The following CYYR1 variants were observed in gnomAD, a reference collection of about 807,000 sequenced individuals.
The protein encoded by CYYR1 is cysteine and tyrosine rich 1.
In CYYR1, 14 loss-of-function variants were observed where a neutral mutation model predicts 15.2. That is an observed-to-expected ratio of 0.92 (90% CI 0.61 to 1.44). The LOEUF is 1.44. Among genes scored for constraint, CYYR1 ranks in the 40% most tolerant of loss-of-function variants. CYYR1 has a pLI of 0.00. For missense variants in CYYR1, 228 were observed against 209.5 expected (o/e 1.09, Z -0.54); for synonymous variants, 80 against 77.4 (o/e 1.03, Z -0.18).
At chr21:26,491,511 G>A (rs1449865789) in intron 2 of CYYR1, among the ~76,000 whole-genome samples, 3 of 152,204 alleles carry the variant, frequency 2.0e-5, no homozygotes, top group Middle Eastern at 3.4e-3. Context: ...CCATTGACTC[G>A]AAGATGGAGA....
chr21:26,561,518 T>C (rs555499814), intron 2 of CYYR1, among the ~76,000 whole-genome samples: 1 of 152,216 alleles, frequency 6.6e-6, no homozygotes, highest in Non-Finnish European at 1.5e-5. Context: ...GGTTGTGATA[T>C]TTATTAGCTG....
chr21:26,477,998 T>C (rs934109606), intron 3 of CYYR1: 2 of 1,530,698 alleles, frequency 1.3e-6, no homozygotes, highest in Admixed American at 2.0e-5. Flanking sequence ...TGATATATGA[T>C]TAATTCAGGT....
Position 26,566,382 on chromosome 21 carries a change from A to C in CYYR1, c.74-14T>G, listed in dbSNP as rs1235882126. ...CAAGGCAATCATCTACAAAACAAAAACCACTTGTGAGCAGTTATAGTTGTA... is the reference window on the plus strand; with the variant it reads ...CAAGGCAATCATCTACAAAACAAAACCCACTTGTGAGCAGTTATAGTTGTA... On this transcript the variant is annotated splice_polypyrimidine_tract_variant and intron_variant, in intron 1 of 3. Coordinates refer to ENST00000652641, the MANE Select transcript of CYYR1 (RefSeq NM_001320768.2). 1 of 1,589,874 alleles carries C rather than the reference A, an allele frequency of 6.3e-7. No individual in the cohort carries two copies. The highest frequency in any genetic ancestry group is 1.3e-5 in the African/African-American group (1 of 74,286).
intron 2 of CYYR1, among the ~76,000 whole-genome samples, chr21:26,534,471 C>G (rs761564805): frequency 1.3e-5 from 2 of 152,086 alleles, no homozygotes; most frequent in African/African-American, 2.4e-5. Flanking sequence ...GTGACTATAT[C>G]AAGAGACCAA....
chr21:26,553,974 C>T (rs2123693316), intron 2 of CYYR1, among the ~76,000 whole-genome samples: 1 of 152,324 alleles, frequency 6.6e-6, no homozygotes, highest in South Asian at 2.1e-4. Context: ...CATTTATTTG[C>T]TTCCACTGAA....
In CYYR1 at chr21:26,468,541, C is replaced by T. The variant is rs373162538; in HGVS notation, c.428G>A (p.Arg143His). ...TCCAGGATAAGGAGGGGGTGGAGAA[C>T]GCTGTGCTGGACCCTGTGGGGTGGG... ...YSPTPQGPAQ[R>H]SPPPPYPGNA... Residue 143 changes from arginine (R) to histidine (H), a missense_variant, in exon 4 of 4, where the codon CGT (arginine) becomes CAT (histidine). Transcript: ENST00000652641. The T allele has an allele frequency of 3.8e-5, 61 of 1,611,454 alleles. No homozygotes were observed. The highest frequency in any genetic ancestry group is 1.5e-4 in the African/African-American group (11 of 74,772).
In CYYR1 at chr21:26,467,681, A is replaced by G. The variant is rs2064984855; in HGVS notation, c.*820T>C. 1 of 152,002 alleles carries G rather than the reference A, an allele frequency of 6.6e-6. No individual in the cohort carries two copies. The highest frequency in any genetic ancestry group is 1.5e-5 in the Non-Finnish European group (1 of 68,014). 9.4% of individuals were successfully genotyped at this position (152,002 alleles called of 1,614,324 possible). A position where few individuals can be genotyped will look rare whatever the true frequency, so the allele number is the denominator to read the frequency against. ...TTCTGATCCACTATAAAGCCAGATG[A>G]TTTTTAGGTGGCAGTAGCTGGCATT... On this transcript the variant is annotated 3_prime_UTR_variant, in exon 4 of 4. Transcript: ENST00000652641.
intron 2 of CYYR1, chr21:26,506,879 C>G (rs1165906311): frequency 6.6e-6 from 1 of 152,114 alleles, no homozygotes; most frequent in Admixed American, 6.6e-5. Context: ...ACCAGAAACA[C>G]AGGATCCTGG....
In CYYR1 at chr21:26,481,306, T is replaced by C. The variant is rs574845731; in HGVS notation, c.177-877A>G. Among the ~76,000 whole-genome samples the C allele has an allele frequency of 3.1e-4, 47 of 152,168 alleles. 1 individual carries two copies. The highest frequency in any genetic ancestry group is 6.8e-3 in the Middle Eastern group (2 of 292). On this transcript the variant is annotated intron_variant, in intron 2 of 3. Transcript: ENST00000652641. Reference sequence around the variant, plus strand: ...TATAACAAGGATGTTCATCACAGTGTTGTGGCTAATAGCAAAATAGGAGAA... The same window carrying C: ...TATAACAAGGATGTTCATCACAGTGCTGTGGCTAATAGCAAAATAGGAGAA...
chr21:26,573,274 TG>T lies in CYYR1; in HGVS notation c.-335del. 1 of 1,301,124 alleles carries T rather than the reference TG, an allele frequency of 7.7e-7. No individual in the cohort carries two copies. Among genetic ancestry groups the T allele is most frequent in the Admixed American group, 2.5e-5 (1 of 40,066 alleles). 80.6% of individuals were successfully genotyped at this position (1,301,124 alleles called of 1,614,324 possible). ...CAGGCTCACATTTCATCTCCGCGGG[TG>T]GCAACGACTGCGGGCAGGGGGCGGG... On this transcript the variant is annotated 5_prime_UTR_variant, in exon 1 of 4. Transcript: ENST00000652641.
At position 26,536,351 on chromosome 21, in the gene CYYR1, A is replaced by T. The variant is rs557747369; in HGVS notation, c.176+29915T>A. Among the ~76,000 whole-genome samples, 16 of 152,322 alleles carry T rather than the reference A, an allele frequency of 1.1e-4. 1 individual carries two copies. The South Asian group carries it at 3.3e-3, about 32-fold the overall frequency. On this transcript the variant is annotated intron_variant, in intron 2 of 3. Coordinates refer to ENST00000652641, the MANE Select transcript of CYYR1 (RefSeq NM_001320768.2). ...GCATTAAGCCCTGCTTTTCCACGAG[A>T]TGCTTTATTATGCTTTTAATAAATG...
At chr21:26,524,438 G>T (rs564868333) in intron 2 of CYYR1, among the ~76,000 whole-genome samples, 1 of 152,266 alleles carries the variant, frequency 6.6e-6, no homozygotes, top group African/African-American at 2.4e-5. Context: ...GTGGAAAGCA[G>T]GAAAATATAT....
At chr21:26,549,770 C>A (rs1979247003) in intron 2 of CYYR1, among the ~76,000 whole-genome samples, 1 of 152,132 alleles carries the variant, frequency 6.6e-6, no homozygotes, top group African/African-American at 2.4e-5. Flanking sequence ...TAAAGTCAAT[C>A]TAAGCTTCCA....
intron 3 of CYYR1, among the ~76,000 whole-genome samples, 196 bp downstream of exon 3, chr21:26,480,075 CA>C (rs144241868): frequency 1.4e-4 from 21 of 150,248 alleles, no homozygotes; most frequent in African/African-American, 2.9e-4. Flanking sequence ...TGAATACCTT[CA>C]AAAAAAAAGA....
chr21:26,572,782 C>G, intron 1 of CYYR1, 86 bp downstream of exon 1: 1 of 1,506,612 alleles, frequency 6.6e-7, no homozygotes, highest in South Asian at 1.2e-5. Context: ...GGTCCCGGTC[C>G]GTCCAGCTCA....
At chr21:26,542,290 C>CGTGT (rs55725152) in intron 2 of CYYR1, among the ~76,000 whole-genome samples, 33,543 of 127,912 alleles carry the variant, frequency 0.26, 5,159 homozygotes, top group South Asian at 0.51. Flanking sequence ...TGTGTGTGTG[C>CGTGT]GTGTGTGTGT....
chr21:26,518,988 A>C (rs563190121), intron 2 of CYYR1, among the ~76,000 whole-genome samples: 1 of 152,194 alleles, frequency 6.6e-6, no homozygotes, highest in Non-Finnish European at 1.5e-5. Flanking sequence ...TCCACTGCAA[A>C]CAATTTAATA....
chr21:26,549,410 C>T (rs976486457), intron 2 of CYYR1, among the ~76,000 whole-genome samples: 1 of 152,168 alleles, frequency 6.6e-6, no homozygotes, highest in Non-Finnish European at 1.5e-5. Context: ...ATATTGTACT[C>T]TTTTCCCTTT....
At chr21:26,503,273 A>C (rs979343) in intron 2 of CYYR1, among the ~76,000 whole-genome samples, 99,561 of 151,854 alleles carry the variant, frequency 0.66, 33,887 homozygotes, top group Non-Finnish European at 0.76. Flanking sequence ...TTAAATGCTG[A>C]CTTCTTTAGT....
Sources: allele counts gnomAD v4.1 joint callset (sites outside exome capture counted in the v4.1 genomes callset), GRCh38; gene constraint gnomAD v4.1.1; transcripts MANE v1.5; gene names NCBI Gene and HGNC (gene_info 2026-07-23, HGNC 2026-07-21).